Variants in NALF1 observed in about 807,000 individuals in gnomAD.
NALF1 encodes family with sequence similarity 155 member A.
A neutral mutation model predicts 48.4 loss-of-function variants in NALF1; 3 were observed. The observed-to-expected ratio is 0.06, with a 90% CI of 0.03 to 0.16. The LOEUF (loss-of-function observed/expected upper bound fraction) is 0.16. NALF1 is among the 10% of genes least tolerant of loss of function. The pLI is 1.00. For synonymous variants in NALF1, 262 were observed against 245.7 expected (o/e 1.07, Z -0.62); for missense variants, 526 against 571.5 (o/e 0.92, Z 0.81).
intron 1 of NALF1, among the ~76,000 whole-genome samples, chr13:107,754,046 A>T (rs1877014565): frequency 6.6e-6 from 1 of 152,198 alleles, no homozygotes; most frequent in African/African-American, 2.4e-5. Context: ...CTGAAAATAA[A>T]GAGATTTTCT....
At chr13:107,836,385 T>C (rs1161762793) in intron 1 of NALF1, among the ~76,000 whole-genome samples, 2 of 152,192 alleles carry the variant, frequency 1.3e-5, no homozygotes, top group South Asian at 2.1e-4. Flanking sequence ...TTGTGTTTGA[T>C]ACAAAAGGCA....
intron 1 of NALF1, among the ~76,000 whole-genome samples, chr13:107,433,281 C>T (rs1483930289): frequency 6.6e-6 from 1 of 152,084 alleles, no homozygotes; most frequent in East Asian, 1.9e-4. Context: ...GGAAGAGAGA[C>T]CAGTTGCCAT....
intron 1 of NALF1, among the ~76,000 whole-genome samples, chr13:107,529,150 A>T (rs1050801314): frequency 6.6e-6 from 1 of 152,152 alleles, no homozygotes; most frequent in Non-Finnish European, 1.5e-5. Context: ...GAGAGAGAGA[A>T]GCCTAATGCT....
At chr13:107,293,545 G>A (rs1276750169) in intron 1 of NALF1, among the ~76,000 whole-genome samples, 1 of 152,070 alleles carries the variant, frequency 6.6e-6, no homozygotes, top group Non-Finnish European at 1.5e-5. Context: ...ACTAACAAAA[G>A]GCTTCCCAGA....
intron 1 of NALF1, among the ~76,000 whole-genome samples, chr13:107,598,510 G>A (rs1315100312): frequency 6.6e-6 from 1 of 152,128 alleles, no homozygotes; most frequent in African/African-American, 2.4e-5. Context: ...TCATTAACGG[G>A]ATGCCTAATG....
At chr13:107,230,433 T>C (rs1423087005) in intron 1 of NALF1, among the ~76,000 whole-genome samples, 1 of 152,140 alleles carries the variant, frequency 6.6e-6, no homozygotes, top group Non-Finnish European at 1.5e-5. Flanking sequence ...TGTGGTTGCA[T>C]GTTGAAGTGA....
intron 1 of NALF1, among the ~76,000 whole-genome samples, chr13:107,286,180 C>T (rs139033649): frequency 5.3e-5 from 8 of 152,188 alleles, no homozygotes; most frequent in East Asian, 1.9e-4. Context: ...AATGGTTCGG[C>T]GGCTGTAAAG....
intron 1 of NALF1, among the ~76,000 whole-genome samples, chr13:107,358,886 T>C (rs1171367682): frequency 6.6e-6 from 1 of 152,176 alleles, no homozygotes; most frequent in Non-Finnish European, 1.5e-5. Context: ...GCAGCTACTC[T>C]TTATGAACAT....
intron 1 of NALF1, among the ~76,000 whole-genome samples, chr13:107,671,693 T>C (rs1430202128): frequency 6.6e-6 from 1 of 152,016 alleles, no homozygotes; most frequent in African/African-American, 2.4e-5. Context: ...GAGAATAAAT[T>C]AAATATGGTA....
intron 1 of NALF1, among the ~76,000 whole-genome samples, chr13:107,487,289 G>C (rs528240012): frequency 6.6e-6 from 1 of 152,116 alleles, no homozygotes; most frequent in Non-Finnish European, 1.5e-5. Flanking sequence ...ATTTTCACTC[G>C]CAATCCCACA....
intron 1 of NALF1, among the ~76,000 whole-genome samples, chr13:107,621,000 G>A (rs986365023): frequency 1.3e-5 from 2 of 152,126 alleles, no homozygotes; most frequent in Non-Finnish European, 2.9e-5. Context: ...GTGTGTGTGT[G>A]TGTGTGTGTT....
intron 1 of NALF1, among the ~76,000 whole-genome samples, chr13:107,683,983 T>C (rs973613221): frequency 6.6e-6 from 1 of 152,178 alleles, no homozygotes; most frequent in Non-Finnish European, 1.5e-5. Context: ...AGGCCAACCC[T>C]GGAGCCACCT....
rs540742549 is a variant in NALF1, at chr13:107,398,821, G to A, written c.916-188066C>T. Among the ~76,000 whole-genome samples the A allele has an allele frequency of 2.0e-3, 297 of 152,286 alleles. No individual in the cohort carries two copies. In the Middle Eastern group the frequency reaches 0.044, roughly 23 times the overall value. On this transcript the variant is annotated intron_variant, in intron 1 of 2. Coordinates refer to ENST00000375915, the MANE Select transcript of NALF1 (RefSeq NM_001080396.3). ...AAGCAATACATTTATCCAACTGTAT[G>A]AGATGGGAATATCAGAGTCATTATC... is the stretch of plus-strand genomic sequence containing the variant.
At chr13:107,554,423 G>A (rs1322115151) in intron 1 of NALF1, among the ~76,000 whole-genome samples, 6 of 152,192 alleles carry the variant, frequency 3.9e-5, no homozygotes, top group African/African-American at 1.4e-4. Context: ...GGTGAAGAAG[G>A]TTAATGCAGA....
At chr13:107,514,532 A>C (rs1229345079) in intron 1 of NALF1, among the ~76,000 whole-genome samples, 4 of 152,152 alleles carry the variant, frequency 2.6e-5, no homozygotes, top group Non-Finnish European at 5.9e-5. Flanking sequence ...TTTGAAGGCC[A>C]GCCGTGCCAT....
chr13:107,315,008 C>A (rs1225127506), intron 1 of NALF1, among the ~76,000 whole-genome samples: 3 of 152,000 alleles, frequency 2.0e-5, no homozygotes, highest in Non-Finnish European at 4.4e-5. Context: ...AGGGGGTTAC[C>A]CTGTGGATTC....
chr13:107,172,736 A>G (rs1387616935), intron 2 of NALF1, among the ~76,000 whole-genome samples: 1 of 152,210 alleles, frequency 6.6e-6, no homozygotes, highest in East Asian at 1.9e-4. Context: ...AGGAGTTTAC[A>G]ATAAGATTAT....
intron 1 of NALF1, among the ~76,000 whole-genome samples, chr13:107,755,363 CT>C (rs1433842465): frequency 6.6e-6 from 1 of 151,896 alleles, no homozygotes; most frequent in African/African-American, 2.4e-5. Context: ...TTTTGGTGTC[CT>C]TACCTTTGCT....
intron 1 of NALF1, among the ~76,000 whole-genome samples, chr13:107,408,794 G>A (rs1883942953): frequency 6.6e-6 from 1 of 152,056 alleles, no homozygotes; most frequent in Non-Finnish European, 1.5e-5. Context: ...ATGATATAGG[G>A]GGAGATTGTT....
Sources: allele counts gnomAD v4.1 joint callset (sites outside exome capture counted in the v4.1 genomes callset), GRCh38; gene constraint gnomAD v4.1.1; transcripts MANE v1.5; gene names NCBI Gene and HGNC (gene_info 2026-07-23, HGNC 2026-07-21).